Variants in ACD observed in about 807,000 individuals in gnomAD.
ACD encodes ACD shelterin complex subunit and telomerase recruitment factor, also known as adrenocortical dysplasia protein homolog.
In ACD, 39 loss-of-function variants were observed where a neutral mutation model predicts 53.9. The ratio of observed to expected loss-of-function variants is 0.72; its 90% confidence interval spans 0.56 to 0.95. The LOEUF is 0.95. ACD is among the 40% of genes least tolerant of loss of function. The probability of loss-of-function intolerance (pLI) is 0.00; values close to 1 mark genes in which losing one functional copy is unlikely to be tolerated. For synonymous variants in ACD, 273 were observed against 249.2 expected (o/e 1.10, Z -0.90); for missense variants, 526 against 587.9 (o/e 0.89, Z 1.09).
At chr16:67,659,821 C>T in intron 2 of ACD, 26 bp from the exon 3 acceptor site, 1 of 1,593,666 alleles carries the variant, frequency 6.3e-7, no homozygotes, top group Non-Finnish European at 8.6e-7. Context: ...TCCTCACTGC[C>T]GGGCCCACCT....
Position 67,658,573 on chromosome 16 carries a change from AAGG to A in ACD, c.808_810del (p.Pro270del), listed in dbSNP as rs762307705. 1.0e-5 allele frequency: 16 copies of A among 1,569,540 alleles called. No homozygotes were observed. In the African/African-American group the frequency reaches 1.4e-4, roughly 13 times the overall value. Reference sequence around the variant, plus strand: ...ACCTCACCTGAGGAACTGGGTGAGGAAGGAGGAGAGGCTATGAGGGTCAGAGAT... The same window carrying A: ...ACCTCACCTGAGGAACTGGGTGAGGAAGGAGAGGCTATGAGGGTCAGAGAT... On this transcript the variant is annotated inframe_deletion, in exon 9 of 12. Coordinates refer to ENST00000620761, the MANE Select transcript of ACD (RefSeq NM_001082486.2).
Position 67,659,239 on chromosome 16 carries a change from C to T in ACD, c.483G>A (p.Ser161=), listed in dbSNP as rs746663656. Residue 161 remains serine (S), a synonymous_variant, in exon 6 of 12, where the codon TCG becomes TCA. Transcript: ENST00000620761. ...CLEEHLSEST[S]SNAGLSLSQL... is the part of the protein sequence containing the mutation. ...CAAGCTCTACAGTACCTGCATTGGA[C>T]GAGGTGGACTCTGAAAGGTGCTCCC... The T allele has an allele frequency of 9.3e-6, 15 of 1,613,988 alleles. No individual in the cohort carries two copies. The highest frequency in any genetic ancestry group is 1.6e-4 in the Middle Eastern group (1 of 6,084).
At position 67,658,821 on chromosome 16, in the gene ACD, G is replaced by A. The variant is rs751092651; in HGVS notation, c.646-5C>T. 4.3e-6 allele frequency: 7 copies of A among 1,609,836 alleles called. No individual in the cohort carries two copies. Among genetic ancestry groups the A allele is most frequent in the Non-Finnish European group, 5.9e-6 (7 of 1,177,048 alleles). Reference sequence around the variant, plus strand: ...GACAGTGTACACAGCTTCTCCCTGTGGGACATGAACTCTGTAGGACAGGCC... The same window carrying A: ...GACAGTGTACACAGCTTCTCCCTGTAGGACATGAACTCTGTAGGACAGGCC... On this transcript the variant is annotated splice_region_variant and splice_polypyrimidine_tract_variant and intron_variant, in intron 7 of 11. Coordinates refer to ENST00000620761, the MANE Select transcript of ACD (RefSeq NM_001082486.2).
chr16:67,658,178 GCTGGGGGTACGGCTGGCGTGTGGGGAC>G lies in ACD; in HGVS notation c.987_1013del (p.Arg329_Pro337del). 1 of 1,611,216 alleles carries G rather than the reference GCTGGGGGTACGGCTGGCGTGTGGGGAC, an allele frequency of 6.2e-7. No homozygotes were observed. Among genetic ancestry groups the G allele is most frequent in the Middle Eastern group, 1.7e-4 (1 of 6,046 alleles). ...TGGGAGTGCAGCTCTGGAGTGGGGA[GCTGGGGGTACGGCTGGCGTGTGGGGAC>G]CTGGGGGTCAGGGTGGCAGGGGCTG... On this transcript the variant is annotated inframe_deletion, in exon 10 of 12. Transcript: ENST00000620761.
Position 67,659,256 on chromosome 16 carries a change from G to T in ACD, c.466C>A (p.Leu156Ile). 1 of 1,614,108 alleles carries T rather than the reference G, an allele frequency of 6.2e-7. No individual in the cohort carries two copies. Among genetic ancestry groups the T allele is most frequent in the South Asian group, 1.1e-5 (1 of 91,082 alleles). ...GCATTGGACGAGGTGGACTCTGAAAGGTGCTCCCTACAGGAAGAGAGTGGC... is the reference window on the plus strand; with the variant it reads ...GCATTGGACGAGGTGGACTCTGAAATGTGCTCCCTACAGGAAGAGAGTGGC... Reference protein sequence around the residue: ...KKLYDCLEEHLSESTSSNAGL... With the variant: ...KKLYDCLEEHISESTSSNAGL... The change falls in exon 6 of 12, where the codon CTT becomes ATT. Residue 156 changes from leucine (L) to isoleucine (I), a missense_variant. Transcript: ENST00000620761.
In ACD at chr16:67,660,216, G is replaced by C; in HGVS notation, c.5C>G (p.Ala2Gly). Residue 2 changes from alanine (A) to glycine (G), a missense_variant, in exon 1 of 12, where the codon GCA (alanine) becomes GGA (glycine). Ala to Gly is a moderately conservative substitution (Grantham distance 60). Transcript: ENST00000620761. M[A>G]GSGRLVLRPW... ...CCGTAGGACCAGCCTCCCCGAACCT[G>C]CCATCCCCACGGCTACACCCAGCGG... 6.2e-7 allele frequency: 1 copy of C among 1,612,666 alleles called. No homozygotes were observed. The highest frequency in any genetic ancestry group is 8.5e-7 in the Non-Finnish European group (1 of 1,179,898).
At chr16:67,658,665 C>A in intron 8 of ACD, 24 bp from the exon 9 acceptor site, 1 of 1,588,446 alleles carries the variant, frequency 6.3e-7, no homozygotes, top group Non-Finnish European at 8.6e-7. Flanking sequence ...GAAGTCTTAT[C>A]AGCACTGTGG....
In ACD at chr16:67,658,218, G is replaced by T. The variant is rs777812658; in HGVS notation, c.974C>A (p.Thr325Asn). ...PSPAICSAPA[T>N]LTPRSPHASR... ...GGCGTGTGGGGACCTGGGGGTCAGG[G>T]TGGCAGGGGCTGAGCAGATGGCTGG... The change falls in exon 10 of 12, where the codon ACC (threonine) becomes AAC (asparagine). Residue 325 changes from threonine (T) to asparagine (N), a missense_variant. Physicochemically the swap from Thr to Asn is moderately conservative, Grantham distance 65 (BLOSUM62 0). Transcript: ENST00000620761. 90 of 1,613,272 alleles carry T rather than the reference G, an allele frequency of 5.6e-5. No individual in the cohort carries two copies. The highest frequency in any genetic ancestry group is 7.5e-5 in the Non-Finnish European group (88 of 1,179,966).
At chr16:67,659,126 C>G (rs2052941349) in intron 6 of ACD, 47 bp from the exon 7 acceptor site, 2 of 1,608,308 alleles carry the variant, frequency 1.2e-6, no homozygotes, top group Admixed American at 3.3e-5. Context: ...AAGGGGAGGA[C>G]CAGGAGGGTG....
chr16:67,657,528 C>G lies in ACD; in HGVS notation c.*78G>C. ...CGGCCCCAATCCCTGATCCTCTCCT[C>G]TCCTGCCGCATGAGATTATTTTATT... is the stretch of plus-strand genomic sequence containing the variant. On this transcript the variant is annotated 3_prime_UTR_variant, in exon 12 of 12. Transcript: ENST00000620761. The surrounding 1 kb of genome is among the most constrained non-coding windows in gnomAD (Gnocchi z 4.5). 2 of 1,613,736 alleles carry G rather than the reference C, an allele frequency of 1.2e-6. No homozygotes were observed. The highest frequency in any genetic ancestry group is 1.7e-6 in the Non-Finnish European group (2 of 1,179,742).
At position 67,658,658 on chromosome 16, in the gene ACD, G is replaced by A. The variant is rs746257998; in HGVS notation, c.743-17C>T. On this transcript the variant is annotated splice_polypyrimidine_tract_variant and intron_variant, in intron 8 of 11. Coordinates refer to ENST00000620761, the MANE Select transcript of ACD (RefSeq NM_001082486.2). The stretch of plus-strand genomic sequence containing the variant: ...GCTCAGGGCCTGGGGGGTTCAGGAA[G>A]TCTTATCAGCACTGTGGACCTGGGC... The A allele has an allele frequency of 2.5e-5, 39 of 1,583,182 alleles. No homozygotes were observed. The highest frequency in any genetic ancestry group is 3.3e-5 in the Non-Finnish European group (38 of 1,162,568).
intron 9 of ACD, 81 bp from the exon 10 acceptor site, chr16:67,658,443 C>T: frequency 6.2e-7 from 1 of 1,605,916 alleles, no homozygotes; most frequent in Non-Finnish European, 8.5e-7. Flanking sequence ...GACAGGACTG[C>T]AGGGACCGTG....
In ACD at chr16:67,657,720, T is replaced by C. The variant is rs1349658464; in HGVS notation, c.1299-36A>G. The stretch of plus-strand genomic sequence containing the variant: ...ACCACCGCTGCAGGTCAATGGAGCC[T>C]GGGACTAGTGACCAAGAGTTGGGGC... On this transcript the variant is annotated intron_variant, in intron 11 of 11. Transcript: ENST00000620761. The surrounding 1 kb of genome is among the most constrained non-coding windows in gnomAD (Gnocchi z 4.5). The C allele has an allele frequency of 1.2e-6, 2 of 1,614,006 alleles. No homozygotes were observed. The highest frequency in any genetic ancestry group is 1.7e-6 in the Non-Finnish European group (2 of 1,179,974).
chr16:67,658,519 C>T (rs369567955), intron 9 of ACD, 36 bp downstream of exon 9: 38 of 1,568,322 alleles, frequency 2.4e-5, no homozygotes, highest in Non-Finnish European at 2.9e-5. Context: ...GACTGACAGG[C>T]GGCAGTGAGT....
chr16:67,657,587 A>G lies in ACD; in HGVS notation c.*19T>C, dbSNP rs1567639173. ...CAAAGGAAGCAGAGTGTGGAGCGGTATCTGTCCTGCGTGACGTCTCACATC... is the reference window on the plus strand; with the variant it reads ...CAAAGGAAGCAGAGTGTGGAGCGGTGTCTGTCCTGCGTGACGTCTCACATC... On this transcript the variant is annotated 3_prime_UTR_variant, in exon 12 of 12. Transcript: ENST00000620761. The surrounding 1 kb of genome is among the most constrained non-coding windows in gnomAD (Gnocchi z 4.5). 1 of 1,614,108 alleles carries G rather than the reference A, an allele frequency of 6.2e-7. No homozygotes were observed. The highest frequency in any genetic ancestry group is 1.1e-5 in the South Asian group (1 of 91,078).
chr16:67,659,065 G>A lies in ACD; in HGVS notation c.508C>T (p.Gln170Ter). The A allele has an allele frequency of 1.2e-6, 2 of 1,613,952 alleles. No individual in the cohort carries two copies. Among genetic ancestry groups the A allele is most frequent in the East Asian group, 2.2e-5 (1 of 44,882 alleles). The change falls in exon 7 of 12, where the codon CAG becomes TAG. Residue 170 changes from glutamine to a stop codon, truncating the protein, a stop_gained. Transcript: ENST00000620761. LOFTEE classifies it high-confidence loss of function. ...TCCTCCCGCATTTCATCCAGAAGCTGGGACAGTGATAGGCCTGGGGACAGG... is the reference window on the plus strand; with the variant it reads ...TCCTCCCGCATTTCATCCAGAAGCTAGGACAGTGATAGGCCTGGGGACAGG... ...TSSNAGLSLS[Q>*]LLDEMREDQE...
Position 67,657,800 on chromosome 16 carries a change from T to C in ACD, c.1260A>G (p.Pro420=). Residue 420 remains proline (P), a synonymous_variant, in exon 11 of 12, where the codon CCA becomes CCG. Transcript: ENST00000620761. This position sits in a 1 kb window ranked among gnomAD's most constrained non-coding sequence, Gnocchi z 4.5. ...DGSAFQYEYE[P]PCTSLCARVQ... ...CCCGAGCACAGAGGGACGTGCAGGG[T>C]GGCTCATACTCATACTGGAAGGCAG... 1.9e-6 allele frequency: 3 copies of C among 1,614,018 alleles called. No individual in the cohort carries two copies. The highest frequency in any genetic ancestry group is 2.5e-6 in the Non-Finnish European group (3 of 1,179,996).
At chr16:67,658,498 C>T (rs925690243) in intron 9 of ACD, 57 bp downstream of exon 9, 3 of 1,573,450 alleles carry the variant, frequency 1.9e-6, no homozygotes, top group South Asian at 2.4e-5. Flanking sequence ...TCCTGCGCAG[C>T]CCGGGAACCT....
In ACD at chr16:67,659,352, C is replaced by T. The variant is rs780367517; in HGVS notation, c.458+23G>A. ...TCCCCTCACCAAACAACACGTGGCCCCCGAGCCCAACCCCAGACTCACTCA... is the reference window on the plus strand; with the variant it reads ...TCCCCTCACCAAACAACACGTGGCCTCCGAGCCCAACCCCAGACTCACTCA... On this transcript the variant is annotated intron_variant, in intron 5 of 11. Transcript: ENST00000620761. 1.3e-5 allele frequency: 21 copies of T among 1,613,958 alleles called. No individual in the cohort carries two copies. The South Asian group carries it at 2.3e-4, about 18-fold the overall frequency.
Sources: gnomAD v4.1 joint callset for allele counts on GRCh38, gnomAD v4.1.1 for gene constraint, Gnocchi (gnomAD v3.1) non-coding constraint, MANE v1.5 for transcripts, NCBI Gene and HGNC (gene_info 2026-07-23, HGNC 2026-07-21) for gene names.